Variants in PRDM10 observed in about 807,000 individuals in gnomAD.
The protein encoded by PRDM10 is PR domain zinc finger protein 10.
In PRDM10, 65 loss-of-function variants were observed where a neutral mutation model predicts 133.1. That is an observed-to-expected ratio of 0.49 (90% CI 0.40 to 0.60). The LOEUF (loss-of-function observed/expected upper bound fraction) is 0.60. Ranked by LOEUF, PRDM10 falls within the 20% of genes least tolerant of loss-of-function variation. The pLI is 0.00. For missense variants in PRDM10, 1,137 were observed against 1,507.1 expected (o/e 0.75, Z 4.07); for synonymous variants, 582 against 580.4 (o/e 1.00, Z -0.04).
chr11:129,958,604 G>A (rs1056946372), intron 2 of PRDM10, among the ~76,000 whole-genome samples: 2 of 152,038 alleles, frequency 1.3e-5, no homozygotes, highest in Admixed American at 6.6e-5. Context: ...AGATCGCACC[G>A]TTGCACTCCA....
intron 19 of PRDM10, among the ~76,000 whole-genome samples, chr11:129,908,611 G>A (rs922338626): frequency 6.6e-6 from 1 of 152,206 alleles, no homozygotes; most frequent in Non-Finnish European, 1.5e-5. Context: ...GGTAACTGCT[G>A]AGGCTGGACA....
At chr11:129,960,875 C>G (rs758185313) in intron 2 of PRDM10, 21 bp downstream of exon 2, 1 of 1,613,834 alleles carries the variant, frequency 6.2e-7, no homozygotes, top group Non-Finnish European at 8.5e-7. Flanking sequence ...CAATACCAAG[C>G]TGGAAAAGAC....
chr11:130,001,381 A>G (rs1222876664), intron 1 of PRDM10, among the ~76,000 whole-genome samples: 2 of 152,204 alleles, frequency 1.3e-5, no homozygotes, highest in East Asian at 1.9e-4. Flanking sequence ...AGAGGCCACA[A>G]AACAGTCATG....
At chr11:129,962,374 G>A (rs535364450) in intron 1 of PRDM10, among the ~76,000 whole-genome samples, 5 of 152,354 alleles carry the variant, frequency 3.3e-5, no homozygotes, top group African/African-American at 1.2e-4. Flanking sequence ...CTGGAAAAGA[G>A]AGGATGCCAT....
rs2135688907 is a variant in PRDM10 at position 129,900,214 on chromosome 11, A to C, written c.*2099T>G. 1 of 152,346 alleles carries C rather than the reference A, an allele frequency of 6.6e-6. No homozygotes were observed. The highest frequency in any genetic ancestry group is 3.4e-3 in the Middle Eastern group (1 of 294). 9.4% of individuals were successfully genotyped at this position (152,346 alleles called of 1,614,324 possible). ...CTCTTCAAATCCAGGTCCTTTTAAA[A>C]ATCTATGACCTTGGAATGAATGTGC... On this transcript the variant is annotated 3_prime_UTR_variant, in exon 21 of 21. Coordinates refer to ENST00000360871, the MANE Select transcript of PRDM10 (RefSeq NM_199437.2).
chr11:129,919,398 A>G (rs977659246), intron 13 of PRDM10, among the ~76,000 whole-genome samples: 5 of 152,204 alleles, frequency 3.3e-5, no homozygotes, highest in Non-Finnish European at 5.9e-5. Flanking sequence ...CTCAATTCCC[A>G]CACCTTTCAG....
At chr11:129,972,802 T>C (rs1340311858) in intron 1 of PRDM10, among the ~76,000 whole-genome samples, 1 of 152,200 alleles carries the variant, frequency 6.6e-6, no homozygotes, top group Non-Finnish European at 1.5e-5. Flanking sequence ...TCCTGCACTC[T>C]GTAGCCCAAG....
intron 6 of PRDM10, among the ~76,000 whole-genome samples, chr11:129,944,365 C>G (rs888528344): frequency 2.0e-5 from 3 of 152,028 alleles, no homozygotes; most frequent in Non-Finnish European, 4.4e-5. Context: ...GAGGCCAAGG[C>G]GGGCAGATCA....
chr11:129,942,699 C>T, intron 6 of PRDM10, 70 bp from the exon 7 acceptor site: 1 of 1,347,268 alleles, frequency 7.4e-7, no homozygotes, highest in Non-Finnish European at 1.0e-6. Context: ...TATAATGTCA[C>T]AATACGCAAA....
Position 129,947,046 on chromosome 11 carries a change from G to A in PRDM10, c.520+99C>T. On this transcript the variant is annotated intron_variant, in intron 5 of 20. Transcript: ENST00000360871. This position sits in a 1 kb window ranked among gnomAD's most constrained non-coding sequence, Gnocchi z 4.6. ...GTAGCACAGTTGGCTGCACACGGAA[G>A]GACCTGACGCACGGGAGCTATGTTC... 2.0e-6 allele frequency: 3 copies of A among 1,500,748 alleles called. No individual in the cohort carries two copies. In the African/African-American group the frequency reaches 4.1e-5, roughly 21 times the overall value. 93.0% of individuals were successfully genotyped at this position (1,500,748 alleles called of 1,614,324 possible).
intron 17 of PRDM10, among the ~76,000 whole-genome samples, chr11:129,913,219 C>CAAAAAAAAAAAAAAAAAAAAAAAAAAA: frequency 1.3e-5 from 1 of 78,880 alleles, no homozygotes; most frequent in Non-Finnish European, 2.4e-5. Flanking sequence ...ACCCTGTCTC[C>CAAAAAAAAAAAAAAAAAAAAAAAAAAA]AAAAAAAAAA....
At chr11:129,993,558 C>T (rs1938868872) in intron 1 of PRDM10, among the ~76,000 whole-genome samples, 1 of 152,028 alleles carries the variant, frequency 6.6e-6, no homozygotes, top group South Asian at 2.1e-4. Context: ...GATCTCGGAT[C>T]ACTGCAAGCT....
At chr11:129,984,958 T>G (rs1181134515) in intron 1 of PRDM10, among the ~76,000 whole-genome samples, 1 of 152,156 alleles carries the variant, frequency 6.6e-6, no homozygotes, top group Non-Finnish European at 1.5e-5. Context: ...TCCTTTCTCA[T>G]GGGATTCTGC....
chr11:129,993,753 G>A (rs1938886311), intron 1 of PRDM10, among the ~76,000 whole-genome samples: 2 of 152,124 alleles, frequency 1.3e-5, no homozygotes, highest in South Asian at 4.2e-4. Flanking sequence ...CAAAGTGCTG[G>A]GATTACAGGC....
At chr11:129,935,307 T>C in intron 8 of PRDM10, 89 bp from the exon 9 acceptor site, 1 of 930,402 alleles carries the variant, frequency 1.1e-6, no homozygotes, top group Non-Finnish European at 1.8e-6. Flanking sequence ...ATTCTTATCT[T>C]GCTGCAGCCC....
intron 1 of PRDM10, 34 bp from the exon 2 acceptor site, chr11:129,961,116 A>G: frequency 1.8e-6 from 1 of 547,672 alleles, no homozygotes; most frequent in Non-Finnish European, 3.2e-6. Flanking sequence ...CAAGACTTTC[A>G]GTAGATAAAT....
intron 1 of PRDM10, among the ~76,000 whole-genome samples, chr11:129,978,588 C>T (rs912494367): frequency 6.6e-6 from 1 of 152,170 alleles, no homozygotes; most frequent in Non-Finnish European, 1.5e-5. Context: ...CAGTGAAGCC[C>T]GTCGGGCAGG....
At chr11:129,955,318 A>C (rs957405284) in intron 4 of PRDM10, among the ~76,000 whole-genome samples, 194 bp downstream of exon 4, 1 of 152,224 alleles carries the variant, frequency 6.6e-6, no homozygotes, top group Non-Finnish European at 1.5e-5. Context: ...TTATCAGATT[A>C]TTCCAGTATA....
intron 1 of PRDM10, among the ~76,000 whole-genome samples, chr11:129,973,145 G>A (rs970696024): frequency 6.6e-6 from 1 of 152,046 alleles, no homozygotes; most frequent in East Asian, 1.9e-4. Flanking sequence ...TAAAAGCTCC[G>A]AATAACAACC....
Sources: gnomAD v4.1 joint callset for allele counts (sites outside exome capture counted in the v4.1 genomes callset) on GRCh38, gnomAD v4.1.1 for gene constraint, Gnocchi (gnomAD v3.1) non-coding constraint, MANE v1.5 for transcripts, NCBI Gene and HGNC (gene_info 2026-07-23, HGNC 2026-07-21) for gene names.